The following PPP2R1B variants were observed in gnomAD, a reference collection of about 807,000 sequenced individuals.
PPP2R1B encodes the protein protein phosphatase 2 scaffold subunit Abeta.
Under a neutral mutation model 72.7 loss-of-function variants are expected in PPP2R1B, and 58 were observed. The observed-to-expected ratio is 0.80, with a 90% CI of 0.65 to 0.99. The LOEUF is 0.99. Among genes scored for constraint, PPP2R1B ranks in the 50% least tolerant of loss-of-function variants. The pLI is 0.00. For missense variants in PPP2R1B, 695 were observed against 733.6 expected (o/e 0.95, Z 0.61); for synonymous variants, 256 against 264.6 (o/e 0.97, Z 0.32).
At chr11:111,732,312 G>C (rs1944218551) in intron 15 of PPP2R1B, among the ~76,000 whole-genome samples, 1 of 152,198 alleles carries the variant, frequency 6.6e-6, no homozygotes, top group African/African-American at 2.4e-5. Context: ...CAGAATTTCA[G>C]GACAGGAGTT....
chr11:111,765,995 A>T, intron 1 of PPP2R1B: 1 of 569,488 alleles, frequency 1.8e-6, no homozygotes, highest in South Asian at 1.6e-5. Context: ...TTCCCCGACA[A>T]CCGCCCGGGA....
the PPP2R1B span, among the ~76,000 whole-genome samples, chr11:111,703,970 T>C: frequency 6.6e-6 from 1 of 152,316 alleles, no homozygotes; most frequent in East Asian, 1.9e-4. Context: ...CTCGAATAGT[T>C]AGCATACTTA....
At chr11:111,706,220 A>G in the PPP2R1B span, among the ~76,000 whole-genome samples, 1 of 152,252 alleles carries the variant, frequency 6.6e-6, no homozygotes, top group Non-Finnish European at 1.5e-5. Context: ...GGCACATAGT[A>G]AGTGCTATGT....
chr11:111,766,088 C>T, intron 1 of PPP2R1B, 160 bp downstream of exon 1: 2 of 706,724 alleles, frequency 2.8e-6, no homozygotes, highest in South Asian at 3.4e-5. Flanking sequence ...GGCGTGTCAC[C>T]ACAGCCCCTC....
the PPP2R1B span, among the ~76,000 whole-genome samples, chr11:111,719,027 G>A: frequency 2.0e-5 from 3 of 152,216 alleles, no homozygotes; most frequent in Non-Finnish European, 4.4e-5. Context: ...ACCCCTGTGG[G>A]ATAGGAACCA....
the PPP2R1B span, chr11:111,721,799 T>G: frequency 6.4e-7 from 1 of 1,558,708 alleles, no homozygotes; most frequent in Non-Finnish European, 8.7e-7. Flanking sequence ...CATGGGGAAT[T>G]GAAAATTGTT....
the PPP2R1B span, chr11:111,700,795 G>C: frequency 1.4e-6 from 2 of 1,479,712 alleles, no homozygotes; most frequent in Admixed American, 1.8e-5. Context: ...TAGTGATATT[G>C]TTAATATAGC....
At chr11:111,735,435 T>G (rs1944310771), downstream of PPP2R1B, 1 of 152,246 alleles carries the variant, frequency 6.6e-6, no homozygotes. Flanking sequence ...AACCCCTGCC[T>G]GACAAGGCCC....
chr11:111,739,605 G>A lies in PPP2R1B; in HGVS notation c.*1991C>T. 1 of 985,372 alleles carries A rather than the reference G, an allele frequency of 1.0e-6. No homozygotes were observed. The highest frequency in any genetic ancestry group is 1.7e-5 in the African/African-American group (1 of 57,342). 61.0% of individuals were successfully genotyped at this position (985,372 alleles called of 1,614,324 possible). A position where few individuals can be genotyped will look rare whatever the true frequency, so the allele number is the denominator to read the frequency against. On this transcript the variant is annotated 3_prime_UTR_variant, in exon 15 of 15. Transcript: ENST00000527614. ...AGTCAATGCTTAGGGCTCCTCACTG[G>A]GAGACACAAGGGCATTTTAAAAGTC...
chr11:111,726,961 G>T (rs778346567), exon 16 of PPP2R1B: 3 of 1,612,594 alleles, frequency 1.9e-6, no homozygotes, highest in South Asian at 2.2e-5. Flanking sequence ...TTAAATCTGG[G>T]GTATTAGTCT....
intron 8 of PPP2R1B, 45 bp from the exon 9 acceptor site, chr11:111,753,622 A>C: frequency 6.4e-7 from 1 of 1,553,680 alleles, no homozygotes; most frequent in Non-Finnish European, 8.8e-7. Flanking sequence ...AAGACAACAG[A>C]AACTTCCATA....
chr11:111,765,206 T>C, intron 2 of PPP2R1B, 88 bp downstream of exon 2: 1 of 1,296,700 alleles, frequency 7.7e-7, no homozygotes, highest in South Asian at 1.3e-5. Context: ...CTCATTTTAA[T>C]GTGGGTAATA....
downstream of PPP2R1B, chr11:111,735,209 G>A (rs967122163): frequency 2.0e-5 from 3 of 152,322 alleles, no homozygotes; most frequent in Non-Finnish European, 4.4e-5. Flanking sequence ...GGAAGAGGAG[G>A]AGGGTGGGCG....
At chr11:111,741,663 G>A (rs371362550) in intron 14 of PPP2R1B, 51 bp from the exon 15 acceptor site, 10 of 1,569,688 alleles carry the variant, frequency 6.4e-6, no homozygotes, top group South Asian at 2.3e-5. Flanking sequence ...GTTCACGAAC[G>A]ATCTATGTGA....
At chr11:111,755,164 G>A (rs1449943973) in intron 6 of PPP2R1B, 70 bp from the exon 7 acceptor site, 5 of 1,536,520 alleles carry the variant, frequency 3.3e-6, no homozygotes. Flanking sequence ...ACAAAATTGT[G>A]CAATCTGTAA....
intron 14 of PPP2R1B, 30 bp from the exon 15 acceptor site, chr11:111,741,642 T>C (rs763909206): frequency 6.2e-7 from 1 of 1,610,860 alleles, no homozygotes; most frequent in Non-Finnish European, 8.5e-7. Context: ...ATCAGGTTAG[T>C]GGTACAGAAA....
intron 15 of PPP2R1B, chr11:111,727,133 C>G: frequency 7.7e-7 from 1 of 1,294,824 alleles, no homozygotes; most frequent in Non-Finnish European, 1.1e-6. Flanking sequence ...CTGACCGTCC[C>G]CAGCTGCCCC....
At chr11:111,742,004 C>A (rs963377927) in intron 14 of PPP2R1B, 49 bp downstream of exon 14, 1 of 1,439,422 alleles carries the variant, frequency 6.9e-7, no homozygotes, top group South Asian at 1.1e-5. Context: ...AGAGATAAAT[C>A]CCAGTTAACC....
chr11:111,711,348 C>G, the PPP2R1B span, among the ~76,000 whole-genome samples: 1 of 152,122 alleles, frequency 6.6e-6, no homozygotes, highest in Non-Finnish European at 1.5e-5. Context: ...GTCTCGATCT[C>G]CTGATCTCAT....
Sources: gnomAD v4.1 joint callset for allele counts (sites outside exome capture counted in the v4.1 genomes callset) on GRCh38, gnomAD v4.1.1 for gene constraint, MANE v1.5 for transcripts, NCBI Gene and HGNC (gene_info 2026-07-23, HGNC 2026-07-21) for gene names.